Variants in EBF3 observed in about 807,000 individuals in gnomAD.
EBF3 encodes the protein EBF transcription factor 3, also known as transcription factor COE3.
Under a neutral mutation model 77.1 loss-of-function variants are expected in EBF3, and 18 were observed. That is an observed-to-expected ratio of 0.23 (90% CI 0.16 to 0.35). The LOEUF is 0.35. Among genes scored for constraint, EBF3 ranks in the 10% least tolerant of loss-of-function variants. The pLI, the probability that EBF3 is intolerant of heterozygous loss-of-function variation, is 1.00. For synonymous variants in EBF3, 350 were observed against 343.5 expected (o/e 1.02, Z -0.21); for missense variants, 558 against 860.0 (o/e 0.65, Z 4.39).
Position 129,935,250 on chromosome 10 carries a change from T to G in EBF3, c.554+22008A>C, listed in dbSNP as rs1226915964. ...CTCGCACCTGTCACAGCAGCCACTG[T>G]GGCCCATGGCTGTCCCAGCACCCAG... On this transcript the variant is annotated intron_variant, in intron 6 of 16. Coordinates refer to ENST00000440978, the MANE Select transcript of EBF3 (RefSeq NM_001375380.1). The surrounding 1 kb of genome is among the most constrained non-coding windows in gnomAD (Gnocchi z 4.2). 6.6e-6 allele frequency among the ~76,000 whole-genome samples: 1 copy of G among 152,156 alleles called. No individual in the cohort carries two copies. Among genetic ancestry groups the G allele is most frequent in the African/African-American group, 2.4e-5 (1 of 41,442 alleles).
chr10:129,908,522 G>T (rs1393263393), intron 6 of EBF3, among the ~76,000 whole-genome samples: 1 of 152,330 alleles, frequency 6.6e-6, no homozygotes, highest in African/African-American at 2.4e-5. Context: ...AGGGGACACG[G>T]GCTAGAGGAG....
At chr10:129,884,858 G>A (rs1853462149) in intron 6 of EBF3, among the ~76,000 whole-genome samples, 1 of 152,172 alleles carries the variant, frequency 6.6e-6, no homozygotes, top group African/African-American at 2.4e-5. Context: ...TACTGTAGCC[G>A]AGCCCGTCTC....
intron 6 of EBF3, among the ~76,000 whole-genome samples, chr10:129,886,260 C>T (rs999854269): frequency 6.6e-6 from 1 of 152,172 alleles, no homozygotes; most frequent in African/African-American, 2.4e-5. Flanking sequence ...GCTCTCTAGC[C>T]TTTTAGGTCC....
intron 5 of EBF3, 21 bp from the exon 6 acceptor site, chr10:129,957,347 G>A: frequency 1.9e-6 from 3 of 1,581,242 alleles, no homozygotes; most frequent in Non-Finnish European, 1.7e-6. Context: ...ATTGTAAACA[G>A]TGGTTTTAAT....
At chr10:129,849,974 T>C (rs1410761164) in intron 10 of EBF3, among the ~76,000 whole-genome samples, 1 of 152,260 alleles carries the variant, frequency 6.6e-6, no homozygotes, top group Non-Finnish European at 1.5e-5. Flanking sequence ...GGGGGACAAT[T>C]TGTCATGTCT....
rs1167262736 is a variant in EBF3 at position 129,837,842 on chromosome 10, TTCCATCAGCATGTCTTAA to T, written c.*83_*100del. The T allele has an allele frequency of 1.3e-6, 2 of 1,498,482 alleles. No individual in the cohort carries two copies. Among genetic ancestry groups the T allele is most frequent in the East Asian group, 4.6e-5 (2 of 43,900 alleles). The allele number at this position is 1,498,482 out of a possible 1,614,324, so 92.8% of individuals were successfully genotyped here. On this transcript the variant is annotated 3_prime_UTR_variant, in exon 17 of 17. Coordinates refer to ENST00000440978, the MANE Select transcript of EBF3 (RefSeq NM_001375380.1). ...CTGCTGATTTTTTTGAAGATACTGT[TTCCATCAGCATGTCTTAA>T]TATACTAAACGTGTCCCCTGAAGTC...
In EBF3 at chr10:129,841,088, G is replaced by T; in HGVS notation, c.1373-56C>A. The T allele has an allele frequency of 6.4e-7, 1 of 1,555,386 alleles. No homozygotes were observed. ...ACATTATTATCAGCGACAGACACTT[G>T]GGGGGGGTTCCCCGAGAATCTATAT... On this transcript the variant is annotated intron_variant, in intron 13 of 16. Transcript: ENST00000440978. The surrounding 1 kb of genome is among the most constrained non-coding windows in gnomAD (Gnocchi z 4.6).
rs1365893131 is a variant in EBF3, at chr10:129,952,673, A to G, written c.554+4585T>C. Among the ~76,000 whole-genome samples the G allele has an allele frequency of 6.6e-6, 1 of 152,146 alleles. No homozygotes were observed. The highest frequency in any genetic ancestry group is 1.5e-5 in the Non-Finnish European group (1 of 68,030). ...GAATAAAAACATTGGGACTGGTCAA[A>G]TGTTTATCCTCCCCGCTTCTGAAAA... is the stretch of plus-strand genomic sequence containing the variant. On this transcript the variant is annotated intron_variant, in intron 6 of 16. Transcript: ENST00000440978. The surrounding 1 kb of genome is among the most constrained non-coding windows in gnomAD (Gnocchi z 4.7).
At chr10:129,925,085 CGTGTGTGT>C (rs34706080) in intron 6 of EBF3, among the ~76,000 whole-genome samples, 4 of 151,240 alleles carry the variant, frequency 2.6e-5, no homozygotes, top group African/African-American at 7.3e-5. Context: ...TGTGTGCACG[CGTGTGTGT>C]GTGTGTGTGT....
chr10:129,917,676 A>C (rs1251423332), intron 6 of EBF3, among the ~76,000 whole-genome samples: 1 of 150,466 alleles, frequency 6.6e-6, no homozygotes, highest in Non-Finnish European at 1.5e-5. Context: ...AAAAAAAAAA[A>C]AAACTAAAAC....
chr10:129,887,392 A>G (rs1280001858), intron 6 of EBF3, among the ~76,000 whole-genome samples: 1 of 152,212 alleles, frequency 6.6e-6, no homozygotes, highest in East Asian at 1.9e-4. Flanking sequence ...AGGGCAATAA[A>G]GATACATTAG....
intron 10 of EBF3, among the ~76,000 whole-genome samples, chr10:129,850,454 A>G (rs1850789549): frequency 6.6e-6 from 1 of 152,184 alleles, no homozygotes; most frequent in South Asian, 2.1e-4. Flanking sequence ...GTTCAGCCCA[A>G]AGAGCACTTA....
chr10:129,841,065 A>G lies in EBF3; in HGVS notation c.1373-33T>C. On this transcript the variant is annotated intron_variant, in intron 13 of 16. Coordinates refer to ENST00000440978, the MANE Select transcript of EBF3 (RefSeq NM_001375380.1). The surrounding 1 kb of genome is among the most constrained non-coding windows in gnomAD (Gnocchi z 4.6). ...AATCCCCCCCCCGGCCAAAAATAACATTATTATCAGCGACAGACACTTGGG... is the reference window on the plus strand; with the variant it reads ...AATCCCCCCCCCGGCCAAAAATAACGTTATTATCAGCGACAGACACTTGGG... 1 of 1,602,838 alleles carries G rather than the reference A, an allele frequency of 6.2e-7. No individual in the cohort carries two copies. The highest frequency in any genetic ancestry group is 8.5e-7 in the Non-Finnish European group (1 of 1,174,414).
At chr10:129,869,059 T>C (rs1444974172) in intron 8 of EBF3, among the ~76,000 whole-genome samples, 3 of 152,206 alleles carry the variant, frequency 2.0e-5, no homozygotes, top group Non-Finnish European at 1.5e-5. Context: ...CCAGGTGGCC[T>C]CTTCGATGTA....
At chr10:129,888,961 G>A (rs548270287) in intron 6 of EBF3, among the ~76,000 whole-genome samples, 2 of 152,296 alleles carry the variant, frequency 1.3e-5, no homozygotes, top group South Asian at 4.1e-4. Context: ...TGGTGGCGGC[G>A]CACAGGCCAG....
Position 129,841,104 on chromosome 10 carries a change from G to C in EBF3, c.1373-72C>G, listed in dbSNP as rs1401301572. The C allele has an allele frequency of 9.6e-6, 15 of 1,561,626 alleles. No homozygotes were observed. The African/African-American group carries it at 1.4e-4, about 14-fold the overall frequency. Reference sequence around the variant, plus strand: ...CAGACACTTGGGGGGGGTTCCCCGAGAATCTATATCATATATTAACATTGC... The same window carrying C: ...CAGACACTTGGGGGGGGTTCCCCGACAATCTATATCATATATTAACATTGC... On this transcript the variant is annotated intron_variant, in intron 13 of 16. Transcript: ENST00000440978. This position sits in a 1 kb window ranked among gnomAD's most constrained non-coding sequence, Gnocchi z 4.6.
At chr10:129,959,129 C>T in intron 4 of EBF3, 122 bp from the exon 5 acceptor site, 3 of 1,220,458 alleles carry the variant, frequency 2.5e-6, no homozygotes, top group Non-Finnish European at 3.5e-6. Flanking sequence ...AGGCGATGCG[C>T]CCCCCTCCCT....
At chr10:129,924,333 T>C (rs1856502932) in intron 6 of EBF3, among the ~76,000 whole-genome samples, 1 of 151,304 alleles carries the variant, frequency 6.6e-6, no homozygotes, top group Non-Finnish European at 1.5e-5. Context: ...GAGAATCACT[T>C]GAACCCGGGA....
At chr10:129,903,101 C>T (rs1217533223) in intron 6 of EBF3, among the ~76,000 whole-genome samples, 1 of 152,226 alleles carries the variant, frequency 6.6e-6, no homozygotes, top group African/African-American at 2.4e-5. Context: ...AAGTCATACA[C>T]ACGTTTCACC....
Sources: gnomAD v4.1 joint callset for allele counts (sites outside exome capture counted in the v4.1 genomes callset) on GRCh38, gnomAD v4.1.1 for gene constraint, Gnocchi (gnomAD v3.1) non-coding constraint, MANE v1.5 for transcripts, NCBI Gene and HGNC (gene_info 2026-07-23, HGNC 2026-07-21) for gene names.